CRTAC1: variants seen among roughly 807,000 people sequenced by gnomAD.
The protein encoded by CRTAC1 is cartilage acidic protein 1.
In CRTAC1, 37 loss-of-function variants were observed where a neutral mutation model predicts 67.8. The ratio of observed to expected loss-of-function variants is 0.55; its 90% CI spans 0.42 to 0.72. CRTAC1 has a LOEUF of 0.72. CRTAC1 is among the 30% of genes least tolerant of loss of function. The probability of loss-of-function intolerance (pLI) is 0.00; values close to 1 mark genes in which losing one functional copy is unlikely to be tolerated. For missense variants in CRTAC1, 780 were observed against 931.6 expected, an observed-to-expected ratio of 0.84 and a Z score of 2.12; for synonymous variants, 348 against 371.0, an observed-to-expected ratio of 0.94 and a Z score of 0.71.
At chr10:98,025,230 T>C (rs1052972414) in intron 1 of CRTAC1, among the ~76,000 whole-genome samples, 5 of 152,164 alleles carry the variant, frequency 3.3e-5, no homozygotes, top group Non-Finnish European at 5.9e-5. Context: ...TTCTCAATCT[T>C]GGTGTTAATG....
At chr10:97,952,918 A>G (rs1447586070) in intron 2 of CRTAC1, among the ~76,000 whole-genome samples, 1 of 152,324 alleles carries the variant, frequency 6.6e-6, no homozygotes, top group Non-Finnish European at 1.5e-5. Context: ...ATCTGTGAAT[A>G]TATGTCCTCC....
At chr10:97,889,979 G>T (rs1396326041) in intron 11 of CRTAC1, among the ~76,000 whole-genome samples, 2 of 152,150 alleles carry the variant, frequency 1.3e-5, no homozygotes, top group Non-Finnish European at 2.9e-5. Flanking sequence ...CCTTCCAGAG[G>T]GGACTGGGTA....
At chr10:98,020,107 C>T (rs1389009226) in intron 1 of CRTAC1, among the ~76,000 whole-genome samples, 4 of 152,160 alleles carry the variant, frequency 2.6e-5, no homozygotes, top group Non-Finnish European at 4.4e-5. Flanking sequence ...CTCACCTGAA[C>T]AATAGCAATA....
At chr10:97,884,536 A>G (rs2050255538) in intron 11 of CRTAC1, 185 bp from the exon 12 acceptor site, 1 of 606,928 alleles carries the variant, frequency 1.6e-6, no homozygotes, top group African/African-American at 1.8e-5. Context: ...TGTCCAATAG[A>G]CCTGTCTGTC....
intron 6 of CRTAC1, among the ~76,000 whole-genome samples, chr10:97,906,411 T>C (rs982145615): frequency 1.3e-5 from 2 of 152,190 alleles, no homozygotes; most frequent in Non-Finnish European, 2.9e-5. Flanking sequence ...AGCATCTGTT[T>C]GGGTGATGAA....
chr10:97,878,825 A>G, intron 14 of CRTAC1: 1 of 716,430 alleles, frequency 1.4e-6, no homozygotes, highest in Non-Finnish European at 2.0e-6. Context: ...GAGGCACAGC[A>G]TGGAGAAGTG....
intron 12 of CRTAC1, among the ~76,000 whole-genome samples, chr10:97,883,372 C>T (rs3829135): frequency 0.31 from 46,608 of 152,154 alleles, 7,187 homozygotes; most frequent in Admixed American, 0.32. Flanking sequence ...AGTTGGGAGC[C>T]GGCCCTGCCA....
At chr10:98,025,143 T>G (rs909549401) in intron 1 of CRTAC1, among the ~76,000 whole-genome samples, 1 of 152,086 alleles carries the variant, frequency 6.6e-6, no homozygotes, top group Non-Finnish European at 1.5e-5. Context: ...AATGGGAGAA[T>G]TGGATGAGAG....
At chr10:97,879,327 C>T (rs2050181904) in intron 14 of CRTAC1, among the ~76,000 whole-genome samples, 2 of 152,136 alleles carry the variant, frequency 1.3e-5, no homozygotes, top group Non-Finnish European at 2.9e-5. Context: ...GATCAACCGG[C>T]AAGCAACCAC....
At position 98,030,536 on chromosome 10, in the gene CRTAC1, G is replaced by T. The variant is rs1162330048; in HGVS notation, c.-64C>A. 9.8e-6 allele frequency: 11 copies of T among 1,125,900 alleles called. No homozygotes were observed. Among genetic ancestry groups the T allele is most frequent in the Non-Finnish European group, 1.1e-5 (10 of 884,768 alleles). 69.7% of individuals were successfully genotyped at this position (1,125,900 alleles called of 1,614,324 possible). On this transcript the variant is annotated 5_prime_UTR_variant, in exon 1 of 15. Transcript: ENST00000370597. This position sits in a 1 kb window ranked among gnomAD's most constrained non-coding sequence, Gnocchi z 4.2. ...GCGGGCGCTCGCTGCCGCCTCTGCC[G>T]CCGGCGCCGCCGCCTGCTTGCTCCC...
At chr10:97,966,339 G>T (rs1463714427) in intron 2 of CRTAC1, among the ~76,000 whole-genome samples, 3 of 152,230 alleles carry the variant, frequency 2.0e-5, no homozygotes, top group East Asian at 1.9e-4. Context: ...TGAACACCTG[G>T]CCTCAAGTGG....
Position 97,973,102 on chromosome 10 carries a change from G to A in CRTAC1, c.225-36736C>T, listed in dbSNP as rs567631623. 2.0e-5 allele frequency among the ~76,000 whole-genome samples: 3 copies of A among 152,236 alleles called. No homozygotes were observed. In the South Asian group the frequency reaches 6.2e-4, roughly 31 times the overall value. ...ATATGCCATAATGCCAACTAATTGT[G>A]TGTGTATATTTCTTTCTAATTTTCC... On this transcript the variant is annotated intron_variant, in intron 2 of 14. Coordinates refer to ENST00000370597, the MANE Select transcript of CRTAC1 (RefSeq NM_018058.7).
intron 1 of CRTAC1, among the ~76,000 whole-genome samples, chr10:98,013,997 A>G (rs556610790): frequency 6.6e-6 from 1 of 152,350 alleles, no homozygotes; most frequent in South Asian, 2.1e-4. Context: ...AAAGGCACCC[A>G]ATGCACCCAC....
At chr10:97,952,538 CAAAAAAA>C (rs397844653) in intron 2 of CRTAC1, among the ~76,000 whole-genome samples, 1 of 64,218 alleles carries the variant, frequency 1.6e-5, no homozygotes, top group Admixed American at 1.9e-4. Flanking sequence ...AATTCCATCT[CAAAAAAA>C]AAAAAAAAAA....
At position 97,896,940 on chromosome 10, in the gene CRTAC1, G is replaced by C; in HGVS notation, c.1185C>G (p.Gly395=). The change falls in exon 9 of 15, where the codon GGC becomes GGG. Residue 395 remains glycine, a synonymous_variant. Coordinates refer to ENST00000370597, the MANE Select transcript of CRTAC1 (RefSeq NM_018058.7). The part of the protein sequence containing the change: ...GDPLIEELNP[G]DALEPEGRGT... ...CCCGGCCCTCAGGCTCCAAGGCGTC[G>C]CCGGGATTGAGCTCCTCGATGAGGG... 6.4e-7 allele frequency: 1 copy of C among 1,560,466 alleles called. No homozygotes were observed. Among genetic ancestry groups the C allele is most frequent in the South Asian group, 1.2e-5 (1 of 84,636 alleles).
chr10:97,978,514 C>A (rs768970923), intron 2 of CRTAC1, among the ~76,000 whole-genome samples: 1 of 152,166 alleles, frequency 6.6e-6, no homozygotes, highest in Non-Finnish European at 1.5e-5. Context: ...ACATATCAAC[C>A]CTTGCTTGCT....
intron 11 of CRTAC1, among the ~76,000 whole-genome samples, chr10:97,890,799 C>G (rs1393191570): frequency 6.6e-6 from 1 of 152,034 alleles, no homozygotes; most frequent in East Asian, 1.9e-4. Flanking sequence ...TCCCGAGTAG[C>G]TGGGATTACA....
At chr10:97,938,523 C>T (rs1408480822) in intron 2 of CRTAC1, among the ~76,000 whole-genome samples, 8 of 152,170 alleles carry the variant, frequency 5.3e-5, no homozygotes, top group African/African-American at 1.4e-4. Context: ...TTAGTGGCAG[C>T]GCTGGGCCTC....
intron 5 of CRTAC1, among the ~76,000 whole-genome samples, chr10:97,915,340 T>C (rs911703508): frequency 6.6e-6 from 1 of 152,126 alleles, no homozygotes; most frequent in Non-Finnish European, 1.5e-5. Context: ...CTTGGGCGAG[T>C]CCCTTCTCCT....
Sources: allele counts gnomAD v4.1 joint callset (sites outside exome capture counted in the v4.1 genomes callset), GRCh38; gene constraint gnomAD v4.1.1; non-coding constraint Gnocchi (gnomAD v3.1); transcripts MANE v1.5; gene names NCBI Gene and HGNC (gene_info 2026-07-23, HGNC 2026-07-21).